PIP5K1B: variants seen among roughly 807,000 people sequenced by gnomAD.
PIP5K1B encodes phosphatidylinositol 4-phosphate 5-kinase type-1 beta.
A neutral mutation model predicts 67.0 loss-of-function variants in PIP5K1B; 42 were observed. The ratio of observed to expected loss-of-function variants is 0.63; its 90% CI spans 0.49 to 0.81. The LOEUF (loss-of-function observed/expected upper bound fraction) is 0.81, where lower values mean the gene tolerates loss of function less well. Ranked by LOEUF, PIP5K1B falls within the 30% of genes least tolerant of loss-of-function variation. PIP5K1B has a pLI of 0.00. For synonymous variants in PIP5K1B, 214 were observed against 231.4 expected, an observed-to-expected ratio of 0.92 and a Z score of 0.68; for missense variants, 459 against 646.3, an observed-to-expected ratio of 0.71 and a Z score of 3.14.
intron 2 of PIP5K1B, chr9:68,782,608 A>C (rs1831358357): frequency 6.0e-6 from 1 of 167,118 alleles, no homozygotes; most frequent in African/African-American, 2.4e-5. Flanking sequence ...AGTAAATGGA[A>C]CTGGTCAACT....
intron 4 of PIP5K1B, among the ~76,000 whole-genome samples, chr9:68,861,137 CA>C (rs1390213084): frequency 6.6e-6 from 1 of 152,148 alleles, no homozygotes; most frequent in African/African-American, 2.4e-5. Flanking sequence ...TTATTTCTCC[CA>C]TCAGAGCACC....
chr9:68,966,530 A>C (rs1025548197), intron 14 of PIP5K1B: 2 of 152,210 alleles, frequency 1.3e-5, no homozygotes, highest in Non-Finnish European at 2.9e-5. Flanking sequence ...AACCCAAATC[A>C]TGTGGGACAT....
chr9:68,946,962 A>G (rs1827832244), intron 14 of PIP5K1B, among the ~76,000 whole-genome samples: 1 of 152,240 alleles, frequency 6.6e-6, no homozygotes, highest in Admixed American at 6.5e-5. Context: ...TAACAATTAG[A>G]AAGCATTTAT....
At chr9:68,945,940 T>G (rs1827784166) in intron 14 of PIP5K1B, among the ~76,000 whole-genome samples, 2 of 152,220 alleles carry the variant, frequency 1.3e-5, no homozygotes, top group African/African-American at 2.4e-5. Context: ...TTCAAAGATG[T>G]TAGAGACAGA....
intron 1 of PIP5K1B, among the ~76,000 whole-genome samples, chr9:68,711,441 G>A (rs1410633975): frequency 6.6e-6 from 1 of 152,224 alleles, no homozygotes; most frequent in East Asian, 1.9e-4. Flanking sequence ...AATGGAAAAG[G>A]TTAAGCATCA....
intron 1 of PIP5K1B, among the ~76,000 whole-genome samples, chr9:68,731,019 A>T (rs1202330226): frequency 1.3e-5 from 2 of 152,226 alleles, no homozygotes; most frequent in African/African-American, 4.8e-5. Context: ...ATTAACCAGT[A>T]AACAGATATG....
intron 2 of PIP5K1B, among the ~76,000 whole-genome samples, chr9:68,806,996 C>T (rs775854961): frequency 8.7e-5 from 13 of 149,118 alleles, no homozygotes; most frequent in Non-Finnish European, 1.3e-4. Flanking sequence ...AAGAACATTC[C>T]ATATAAGCTC....
intron 2 of PIP5K1B, among the ~76,000 whole-genome samples, chr9:68,772,350 C>A (rs542256334): frequency 2.0e-5 from 3 of 152,264 alleles, no homozygotes; most frequent in South Asian, 2.1e-4. Flanking sequence ...TCAGGCACAG[C>A]CAAACATGTG....
chr9:68,728,859 A>C (rs1279536935), intron 1 of PIP5K1B: 1 of 152,196 alleles, frequency 6.6e-6, no homozygotes, highest in African/African-American at 2.4e-5. Context: ...TATTTCAAGA[A>C]GAGGCTTAAA....
intron 4 of PIP5K1B, among the ~76,000 whole-genome samples, chr9:68,829,704 T>G (rs1834178681): frequency 6.6e-6 from 1 of 152,220 alleles, no homozygotes; most frequent in Admixed American, 6.5e-5. Flanking sequence ...GTAGGCATTT[T>G]TCCTAGTTGT....
intron 2 of PIP5K1B, among the ~76,000 whole-genome samples, chr9:68,758,654 A>T (rs560334690): frequency 6.6e-6 from 1 of 152,216 alleles, no homozygotes; most frequent in East Asian, 1.9e-4. Context: ...TGTTCATGGC[A>T]TCAGAACCCC....
At chr9:68,964,465 C>T (rs1828918047) in intron 14 of PIP5K1B, among the ~76,000 whole-genome samples, 1 of 152,192 alleles carries the variant, frequency 6.6e-6, no homozygotes, top group African/African-American at 2.4e-5. Context: ...CTGTGGTTGC[C>T]TTGCTGTGAA....
chr9:68,741,165 T>C (rs1462813417), intron 1 of PIP5K1B, among the ~76,000 whole-genome samples: 2 of 152,194 alleles, frequency 1.3e-5, no homozygotes, highest in Non-Finnish European at 2.9e-5. Context: ...TGAGCAGATA[T>C]ATCTAAGAAT....
chr9:68,720,991 C>T (rs1261095409), intron 1 of PIP5K1B, among the ~76,000 whole-genome samples: 3 of 152,180 alleles, frequency 2.0e-5, no homozygotes, highest in Non-Finnish European at 4.4e-5. Context: ...TTATACCAGG[C>T]ATAACACGTA....
In PIP5K1B at chr9:68,917,677, A is replaced by T. The variant is rs1321654393; in HGVS notation, c.901A>T (p.Lys301Ter). ...VPDAKRTGMQ[K>*]VLYSTAMESI... The stretch of plus-strand genomic sequence containing the variant: ...TGATGCTAAGCGGACTGGGATGCAG[A>T]AGGTTCTCTACTCAACAGCCATGGA... Residue 301 changes from lysine to a stop codon, truncating the protein, a stop_gained, in exon 9 of 16, where the codon AAG (lysine) becomes TAG (stop). Transcript: ENST00000265382. LOFTEE classifies it high-confidence loss of function. The T allele has an allele frequency of 1.2e-6, 2 of 1,614,180 alleles. No homozygotes were observed. Among genetic ancestry groups the T allele is most frequent in the Admixed American group, 1.7e-5 (1 of 60,034 alleles).
At chr9:68,993,617 C>CCCCAACCAAGAAAA (rs1331336800) in intron 15 of PIP5K1B, among the ~76,000 whole-genome samples, 1 of 152,074 alleles carries the variant, frequency 6.6e-6, no homozygotes, top group African/African-American at 2.4e-5. Context: ...GTTGGTCCAC[C>CCCCAACCAAGAAAA]CCCAACCAAG....
intron 14 of PIP5K1B, among the ~76,000 whole-genome samples, chr9:68,987,971 C>T (rs1324339049): frequency 6.6e-6 from 1 of 152,132 alleles, no homozygotes; most frequent in East Asian, 1.9e-4. Flanking sequence ...ACCATATCAA[C>T]TATAGATTAG....
At chr9:68,890,040 T>C (rs559979120) in intron 7 of PIP5K1B, among the ~76,000 whole-genome samples, 1 of 152,304 alleles carries the variant, frequency 6.6e-6, no homozygotes, top group East Asian at 1.9e-4. Context: ...TAACTTGCCA[T>C]GGGTGATTCA....
At chr9:68,990,209 T>G (rs1022176615) in intron 14 of PIP5K1B, among the ~76,000 whole-genome samples, 5 of 152,174 alleles carry the variant, frequency 3.3e-5, no homozygotes, top group African/African-American at 9.7e-5. Context: ...CTACTCCAAG[T>G]GTGGTCCTTG....
Sources: allele counts gnomAD v4.1 joint callset (sites outside exome capture counted in the v4.1 genomes callset), GRCh38; gene constraint gnomAD v4.1.1; transcripts MANE v1.5; gene names NCBI Gene and HGNC (gene_info 2026-07-23, HGNC 2026-07-21).